Variants in DLG2 observed in about 807,000 individuals in gnomAD.
DLG2 encodes the protein discs large MAGUK scaffold protein 2.
Under a neutral mutation model 132.5 loss-of-function variants are expected in DLG2, and 45 were observed. The observed-to-expected ratio is 0.34, with a 90% CI of 0.27 to 0.44. DLG2 has a LOEUF of 0.44. Ranked by LOEUF, DLG2 falls within the 20% of genes least tolerant of loss-of-function variation. The pLI is 1.00. For missense variants in DLG2, 1,045 were observed against 1,196.9 expected (o/e 0.87, Z 1.87); for synonymous variants, 424 against 419.6 (o/e 1.01, Z -0.13).
chr11:84,579,895 G>A (rs2099512395), intron 6 of DLG2, among the ~76,000 whole-genome samples: 1 of 152,214 alleles, frequency 6.6e-6, no homozygotes, highest in Admixed American at 6.5e-5. Flanking sequence ...GGTGGAATGT[G>A]GGGGCTGATG....
At chr11:84,002,114 A>C (rs1289154296) in intron 11 of DLG2, among the ~76,000 whole-genome samples, 1 of 152,206 alleles carries the variant, frequency 6.6e-6, no homozygotes, top group Non-Finnish European at 1.5e-5. Flanking sequence ...ATAAGGGTCA[A>C]CAAAATGACA....
rs563256799 is a variant in DLG2, at chr11:84,807,262, G to A, written c.358-272531C>T. On this transcript the variant is annotated intron_variant, in intron 6 of 27. Coordinates refer to ENST00000376104, the MANE Select transcript of DLG2 (RefSeq NM_001142699.3). Reference sequence around the variant, plus strand: ...GGACTTTGAGACCAGCCTGGCTAACGTGGTGAAACCTCGTCTCTACCAAAA... The same window carrying A: ...GGACTTTGAGACCAGCCTGGCTAACATGGTGAAACCTCGTCTCTACCAAAA... 1.4e-4 allele frequency among the ~76,000 whole-genome samples: 21 copies of A among 152,076 alleles called. No individual in the cohort carries two copies. In the South Asian group the frequency reaches 3.5e-3, roughly 26 times the overall value.
At chr11:85,312,950 T>C (rs1449278826) in intron 3 of DLG2, among the ~76,000 whole-genome samples, 1 of 151,958 alleles carries the variant, frequency 6.6e-6, no homozygotes, top group Non-Finnish European at 1.5e-5. Context: ...CAGAGATTTC[T>C]AGTAATCACC....
Position 84,232,331 on chromosome 11 carries a change from G to A in DLG2, c.573+18907C>T, listed in dbSNP as rs182084312. 2.0e-5 allele frequency among the ~76,000 whole-genome samples: 3 copies of A among 152,124 alleles called. No homozygotes were observed. The East Asian group carries it at 5.8e-4, about 29-fold the overall frequency. On this transcript the variant is annotated intron_variant, in intron 8 of 27. Coordinates refer to ENST00000376104, the MANE Select transcript of DLG2 (RefSeq NM_001142699.3). ...GAAAGCTCATAATTTCCACAAGAGT[G>A]GAAATTATGTCTTGCTTACAGTAAA...
At chr11:84,745,455 C>T (rs1160058189) in intron 6 of DLG2, among the ~76,000 whole-genome samples, 1 of 152,140 alleles carries the variant, frequency 6.6e-6, no homozygotes, top group Non-Finnish European at 1.5e-5. Context: ...TTTTCTGAGG[C>T]CTCTCCAGAA....
intron 6 of DLG2, among the ~76,000 whole-genome samples, chr11:84,964,674 A>C (rs1164033220): frequency 2.6e-5 from 4 of 152,124 alleles, no homozygotes; most frequent in Admixed American, 6.6e-5. Context: ...CTGATGTAAA[A>C]ATATTCATGC....
intron 3 of DLG2, among the ~76,000 whole-genome samples, chr11:85,556,449 G>A (rs532033591): frequency 2.1e-4 from 32 of 151,810 alleles, no homozygotes; most frequent in South Asian, 6.3e-4. Flanking sequence ...TATCATAAAG[G>A]CATTATATCA....
chr11:84,827,676 C>CAAAAAAAAAAAAAAAAAAAAAAA (rs398016953), intron 6 of DLG2, among the ~76,000 whole-genome samples: 2 of 35,100 alleles, frequency 5.7e-5, no homozygotes, highest in South Asian at 1.8e-3. Flanking sequence ...TACATACAGT[C>CAAAAAAAAAAAAAAAAAAAAAAA]AAAAAAAAAA....
rs1194926773 is a variant in DLG2, at chr11:83,459,728, A to G, written c.*90T>C. The stretch of plus-strand genomic sequence containing the variant: ...CATTGACTGCAAAAACATAAATGCA[A>G]CAAAAACATAAAAGCCTCCAAGTAG... On this transcript the variant is annotated 3_prime_UTR_variant, in exon 28 of 28. Coordinates refer to ENST00000376104, the MANE Select transcript of DLG2 (RefSeq NM_001142699.3). 8 of 701,864 alleles carry G rather than the reference A, an allele frequency of 1.1e-5. No homozygotes were observed. 43.5% of individuals were successfully genotyped at this position (701,864 alleles called of 1,614,324 possible). A position where few individuals can be genotyped will look rare whatever the true frequency, so the allele number is the denominator to read the frequency against.
At chr11:85,534,113 G>A (rs1054657247) in intron 3 of DLG2, among the ~76,000 whole-genome samples, 19 of 151,906 alleles carry the variant, frequency 1.3e-4, no homozygotes, top group African/African-American at 3.4e-4. Context: ...TCAGTCTCCC[G>A]AGTAGCTGGG....
chr11:85,047,586 G>A (rs2062466689), intron 6 of DLG2, among the ~76,000 whole-genome samples: 1 of 151,760 alleles, frequency 6.6e-6, no homozygotes, highest in Admixed American at 6.6e-5. Context: ...TAATCTCCCT[G>A]AGTATCTGTT....
At chr11:83,908,604 T>G (rs2075468974) in intron 15 of DLG2, among the ~76,000 whole-genome samples, 1 of 152,304 alleles carries the variant, frequency 6.6e-6, no homozygotes, top group Non-Finnish European at 1.5e-5. Flanking sequence ...CTTTTTTATC[T>G]TCCCACAATT....
intron 6 of DLG2, among the ~76,000 whole-genome samples, chr11:84,779,130 T>C (rs1056007184): frequency 1.3e-5 from 2 of 152,050 alleles, no homozygotes; most frequent in African/African-American, 4.8e-5. Flanking sequence ...CTGTGGGACT[T>C]CACGTTGTGA....
chr11:84,486,147 C>A (rs1413710167), intron 7 of DLG2, among the ~76,000 whole-genome samples: 1 of 152,090 alleles, frequency 6.6e-6, no homozygotes, highest in Admixed American at 6.6e-5. Context: ...ATGGGGATAG[C>A]CTCATTGTCT....
chr11:85,053,537 C>T (rs2063117438), intron 6 of DLG2, among the ~76,000 whole-genome samples: 1 of 151,292 alleles, frequency 6.6e-6, no homozygotes, highest in South Asian at 2.1e-4. Context: ...GCCTGTAATC[C>T]CAGCACTTTG....
intron 6 of DLG2, among the ~76,000 whole-genome samples, chr11:84,730,738 C>T (rs1003178405): frequency 6.6e-6 from 1 of 151,976 alleles, no homozygotes; most frequent in African/African-American, 2.4e-5. Context: ...GCTCTTCTAG[C>T]TGCATGAACT....
chr11:85,569,196 T>G (rs2077708656), intron 3 of DLG2, among the ~76,000 whole-genome samples: 1 of 152,046 alleles, frequency 6.6e-6, no homozygotes, highest in African/African-American at 2.4e-5. Context: ...CACACCCAGT[T>G]AATTTTTGTA....
intron 17 of DLG2, among the ~76,000 whole-genome samples, chr11:83,800,390 T>G (rs2044031126): frequency 6.6e-6 from 1 of 152,218 alleles, no homozygotes; most frequent in African/African-American, 2.4e-5. Flanking sequence ...ATGCATTAAA[T>G]TTTTCAAATA....
At chr11:83,947,486 C>T (rs74789566) in intron 14 of DLG2, among the ~76,000 whole-genome samples, 3,328 of 152,118 alleles carry the variant, frequency 0.022, 116 homozygotes, top group African/African-American at 0.076. Context: ...AAGAGTGTTT[C>T]CCCCGCATTC....
Sources: allele counts gnomAD v4.1 joint callset (sites outside exome capture counted in the v4.1 genomes callset), GRCh38; gene constraint gnomAD v4.1.1; transcripts MANE v1.5; gene names NCBI Gene and HGNC (gene_info 2026-07-23, HGNC 2026-07-21).